PHIP: variants seen among roughly 807,000 people sequenced by gnomAD.
PHIP encodes the protein PHIP subunit of CUL4-Ring ligase complex.
A neutral mutation model predicts 236.8 loss-of-function variants in PHIP; 54 were observed. The ratio of observed to expected loss-of-function variants is 0.23; its 90% CI spans 0.18 to 0.29. The LOEUF (loss-of-function observed/expected upper bound fraction) is 0.29, where lower values mean the gene tolerates loss of function less well. Ranked by LOEUF, PHIP falls within the 10% of genes least tolerant of loss-of-function variation. PHIP has a pLI of 1.00. For missense variants in PHIP, 1,370 were observed against 2,190.8 expected (o/e 0.63, Z 7.48); for synonymous variants, 756 against 718.9 (o/e 1.05, Z -0.83).
At chr6:79,054,688 G>C (rs887443720) in intron 6 of PHIP, among the ~76,000 whole-genome samples, 3 of 150,870 alleles carry the variant, frequency 2.0e-5, no homozygotes, top group Admixed American at 2.0e-4. Context: ...TAATAATTAT[G>C]TAAGAAATAT....
chr6:78,934,446 A>G lies in PHIP; in HGVS notation c.*6247T>C, dbSNP rs1773187738. 1.3e-5 allele frequency among the ~76,000 whole-genome samples: 2 copies of G among 152,242 alleles called. No homozygotes were observed. Among genetic ancestry groups the G allele is most frequent in the South Asian group, 4.1e-4 (2 of 4,834 alleles). ...AAGTGTGCCTGTACTTCTTTTTATT[A>G]GTAAACATGTACTTTTAAAGCAATT... On this transcript the variant is annotated 3_prime_UTR_variant, in exon 40 of 40. Transcript: ENST00000275034.
intron 25 of PHIP, 36 bp from the exon 26 acceptor site, chr6:78,970,209 C>G (rs748201058): frequency 6.4e-7 from 1 of 1,569,328 alleles, no homozygotes; most frequent in East Asian, 2.2e-5. Flanking sequence ...ACCATCTTTA[C>G]AAAATAAACC....
At chr6:79,000,600 G>C (rs1404690652) in intron 17 of PHIP, among the ~76,000 whole-genome samples, 1 of 151,938 alleles carries the variant, frequency 6.6e-6, no homozygotes, top group Non-Finnish European at 1.5e-5. Context: ...AAACCCTAAA[G>C]TAGCTATCTA....
In PHIP at chr6:78,963,245, A is replaced by G. The variant is rs1349621749; in HGVS notation, c.3387T>C (p.Phe1129=). 6.2e-7 allele frequency: 1 copy of G among 1,600,378 alleles called. No individual in the cohort carries two copies. Among genetic ancestry groups the G allele is most frequent in the South Asian group, 1.1e-5 (1 of 87,854 alleles). The change falls in exon 30 of 40, where the codon TTT becomes TTC. Residue 1129 remains phenylalanine (F), a synonymous_variant. Coordinates refer to ENST00000275034, the MANE Select transcript of PHIP (RefSeq NM_017934.7). Reference sequence around the variant, plus strand: ...GAACACTGGTACCTAGTTCTTCAGGAAATACAGCTGAAATAGAAAAGCAGA... The same window carrying G: ...GAACACTGGTACCTAGTTCTTCAGGGAATACAGCTGAAATAGAAAAGCAGA... ...DMELIPNNAV[F]PEELGTSVPL...
intron 7 of PHIP, among the ~76,000 whole-genome samples, chr6:79,038,264 T>A (rs1005180557): frequency 6.6e-6 from 1 of 152,210 alleles, no homozygotes; most frequent in Non-Finnish European, 1.5e-5. Context: ...TGCCAGTAGA[T>A]GTGGTGTCTG....
intron 4 of PHIP, among the ~76,000 whole-genome samples, chr6:79,065,261 A>C (rs142398771): frequency 1.3e-5 from 2 of 152,338 alleles, no homozygotes; most frequent in African/African-American, 2.4e-5. Flanking sequence ...TATTGGATCA[A>C]GTCACCCCTA....
At position 78,998,248 on chromosome 6, in the gene PHIP, G is replaced by C; in HGVS notation, c.2017+6C>G. Reference sequence around the variant, plus strand: ...ATATTTCACTTAAAATAGAATACCTGCTTACCTCTACTTAAACGGCTGGTA... The same window carrying C: ...ATATTTCACTTAAAATAGAATACCTCCTTACCTCTACTTAAACGGCTGGTA... On this transcript the variant is annotated splice_donor_region_variant and intron_variant, in intron 18 of 39. Coordinates refer to ENST00000275034, the MANE Select transcript of PHIP (RefSeq NM_017934.7). 5 of 1,604,166 alleles carry C rather than the reference G, an allele frequency of 3.1e-6. No individual in the cohort carries two copies. Among genetic ancestry groups the C allele is most frequent in the Non-Finnish European group, 4.3e-6 (5 of 1,171,232 alleles).
chr6:78,985,606 C>T (rs1377534634), intron 21 of PHIP, among the ~76,000 whole-genome samples, 178 bp from the exon 22 acceptor site: 1 of 152,028 alleles, frequency 6.6e-6, no homozygotes, highest in Non-Finnish European at 1.5e-5. Flanking sequence ...TTTGAGAGGT[C>T]AAGGTGGGCA....
intron 19 of PHIP, 151 bp from the exon 20 acceptor site, chr6:78,991,136 G>C (rs578189514): frequency 1.7e-6 from 1 of 589,532 alleles, no homozygotes; most frequent in East Asian, 2.9e-5. Flanking sequence ...TAATTTCATA[G>C]GTTGTGGGCT....
intron 7 of PHIP, among the ~76,000 whole-genome samples, chr6:79,034,176 A>G (rs765548419): frequency 5.9e-5 from 9 of 152,228 alleles, no homozygotes; most frequent in Non-Finnish European, 1.0e-4. Context: ...TGATGCTGAC[A>G]GACTTGCTTT....
intron 29 of PHIP, 77 bp from the exon 30 acceptor site, chr6:78,963,329 A>G (rs956169674): frequency 8.0e-6 from 9 of 1,126,560 alleles, no homozygotes; most frequent in Non-Finnish European, 1.1e-5. Context: ...TGTAAAAATA[A>G]CAGTCACAAA....
rs548680926 is a variant in PHIP, at chr6:79,062,282, A to G, written c.190-1464T>C. ...CCTTTTTTCCCTAATAATATCTATC[A>G]TATTCACTCAGAACATACTTTAGGA... On this transcript the variant is annotated intron_variant, in intron 4 of 39. Transcript: ENST00000275034. Among the ~76,000 whole-genome samples the G allele has an allele frequency of 2.6e-5, 4 of 152,172 alleles. 1 individual carries two copies. In the South Asian group the frequency reaches 8.3e-4, roughly 32 times the overall value.
chr6:79,012,979 T>C (rs1383666095), intron 15 of PHIP, among the ~76,000 whole-genome samples: 1 of 151,798 alleles, frequency 6.6e-6, no homozygotes, highest in Non-Finnish European at 1.5e-5. Context: ...CTGAGTATTG[T>C]TAAAAGTTAG....
intron 32 of PHIP, chr6:78,957,388 A>G (rs1460686291): frequency 1.3e-5 from 2 of 151,970 alleles, no homozygotes; most frequent in African/African-American, 4.8e-5. Flanking sequence ...TAGCAATAAT[A>G]GCCCCCAAAC....
rs145075867 is a variant in PHIP at position 79,047,637 on chromosome 6, G to A, written c.440-4634C>T. ...TTTAATTTCTCCAGTTACATTATTA[G>A]AGAAACATTTCCATTTACCACAATA... is the stretch of plus-strand genomic sequence containing the variant. On this transcript the variant is annotated intron_variant, in intron 6 of 39. Coordinates refer to ENST00000275034, the MANE Select transcript of PHIP (RefSeq NM_017934.7). 6.2e-4 allele frequency among the ~76,000 whole-genome samples: 95 copies of A among 152,148 alleles called. 1 individual carries two copies. In the South Asian group the frequency reaches 8.1e-3, roughly 13 times the overall value.
At chr6:78,957,772 G>A (rs1766526476) in intron 32 of PHIP, 1 of 151,820 alleles carries the variant, frequency 6.6e-6, no homozygotes, top group South Asian at 2.1e-4. Context: ...CTTCAACTTA[G>A]GAGGCTCAAT....
At chr6:79,021,030 G>C (rs967944570) in intron 9 of PHIP, among the ~76,000 whole-genome samples, 1 of 152,186 alleles carries the variant, frequency 6.6e-6, no homozygotes, top group Non-Finnish European at 1.5e-5. Flanking sequence ...AGATGCTTTG[G>C]AACCTGATGG....
intron 35 of PHIP, among the ~76,000 whole-genome samples, chr6:78,950,037 T>C (rs1774058265): frequency 6.6e-6 from 1 of 152,060 alleles, no homozygotes; most frequent in Non-Finnish European, 1.5e-5. Context: ...TGTTTTCATT[T>C]CCTCCTGTGA....
chr6:79,063,081 G>A (rs1467115736), intron 4 of PHIP, among the ~76,000 whole-genome samples: 2 of 152,088 alleles, frequency 1.3e-5, no homozygotes, highest in Non-Finnish European at 2.9e-5. Context: ...CTTCTTCCCT[G>A]CAAAAATACA....
Sources: allele counts gnomAD v4.1 joint callset (sites outside exome capture counted in the v4.1 genomes callset), GRCh38; gene constraint gnomAD v4.1.1; transcripts MANE v1.5; gene names NCBI Gene and HGNC (gene_info 2026-07-23, HGNC 2026-07-21).